TRPC7: variants seen among roughly 807,000 people sequenced by gnomAD.
The protein encoded by TRPC7 is transient receptor potential cation channel subfamily C member 7, also known as short transient receptor potential channel 7.
Under a neutral mutation model 90.1 loss-of-function variants are expected in TRPC7, and 42 were observed. That is an observed-to-expected ratio of 0.47 (90% CI 0.36 to 0.60). The LOEUF is 0.60. Ranked by LOEUF, TRPC7 falls within the 20% of genes least tolerant of loss-of-function variation. TRPC7 has a pLI of 0.00. For missense variants in TRPC7, 955 were observed against 1,112.3 expected (o/e 0.86, Z 2.01); for synonymous variants, 451 against 436.3 (o/e 1.03, Z -0.42).
intron 2 of TRPC7, among the ~76,000 whole-genome samples, chr5:136,323,252 A>G (rs189955613): frequency 6.6e-6 from 1 of 152,324 alleles, no homozygotes; most frequent in African/African-American, 2.4e-5. Context: ...CTCCCCAGCC[A>G]TGTGGAACTG....
chr5:136,335,016 A>AAT (rs1331519269), intron 2 of TRPC7, among the ~76,000 whole-genome samples: 2 of 152,218 alleles, frequency 1.3e-5, no homozygotes, highest in Non-Finnish European at 2.9e-5. Flanking sequence ...AATAAGTTTA[A>AAT]ATATAATCAG....
intron 2 of TRPC7, among the ~76,000 whole-genome samples, chr5:136,346,475 A>G (rs992197515): frequency 9.9e-5 from 15 of 152,018 alleles, no homozygotes; most frequent in African/African-American, 3.4e-4. Context: ...TGCTTTTCCC[A>G]ACACCATGAG....
At chr5:136,249,562 A>T (rs1177509689) in intron 6 of TRPC7, among the ~76,000 whole-genome samples, 1 of 152,210 alleles carries the variant, frequency 6.6e-6, no homozygotes, top group Non-Finnish European at 1.5e-5. Context: ...CCTCTAGCTC[A>T]CCATCTTAAA....
intron 1 of TRPC7, among the ~76,000 whole-genome samples, chr5:136,361,297 T>C (rs562708939): frequency 6.6e-5 from 10 of 152,334 alleles, no homozygotes; most frequent in Admixed American, 6.5e-4. Context: ...TTAAGACACT[T>C]TGTTTTACAT....
intron 2 of TRPC7, among the ~76,000 whole-genome samples, chr5:136,353,953 T>TA (rs1001786130): frequency 6.6e-5 from 10 of 151,954 alleles, no homozygotes; most frequent in African/African-American, 1.5e-4. Flanking sequence ...TGAGTTTTAC[T>TA]AAAAAAAATG....
intron 10 of TRPC7, among the ~76,000 whole-genome samples, chr5:136,219,689 C>A (rs1364460782): frequency 6.6e-6 from 1 of 152,168 alleles, no homozygotes; most frequent in Non-Finnish European, 1.5e-5. Context: ...TTGCTTGAAC[C>A]TGGGAGGTAG....
At chr5:136,290,630 A>G (rs531008255) in intron 3 of TRPC7, among the ~76,000 whole-genome samples, 1 of 152,352 alleles carries the variant, frequency 6.6e-6, no homozygotes, top group South Asian at 2.1e-4. Context: ...TCCAAGAAAT[A>G]TGGGACTATG....
At chr5:136,351,760 C>A (rs1760201466) in intron 2 of TRPC7, among the ~76,000 whole-genome samples, 3 of 152,234 alleles carry the variant, frequency 2.0e-5, no homozygotes, top group Non-Finnish European at 2.9e-5. Flanking sequence ...TAGCAGGTGG[C>A]AAATTGGTCT....
chr5:136,296,744 CT>C (rs1758188524), intron 3 of TRPC7, among the ~76,000 whole-genome samples: 1 of 152,180 alleles, frequency 6.6e-6, no homozygotes, highest in South Asian at 2.1e-4. Context: ...TGATTGTACA[CT>C]GTCATTTTTC....
Position 136,247,331 on chromosome 5 carries a change from C to T in TRPC7, c.1844+140G>A, listed in dbSNP as rs1303337688. ...TCAACTCCAGAACCTGAACTCTAAA[C>T]CACCCTTGAATAAAGTTGCCTTTAA... On this transcript the variant is annotated intron_variant, in intron 7 of 11. Transcript: ENST00000513104. This position sits in a 1 kb window ranked among gnomAD's most constrained non-coding sequence, Gnocchi z 4.2. The T allele has an allele frequency of 1.1e-6, 1 of 921,012 alleles. No homozygotes were observed. The highest frequency in any genetic ancestry group is 1.6e-6 in the Non-Finnish European group (1 of 631,862). 57.1% of individuals were successfully genotyped at this position (921,012 alleles called of 1,614,324 possible).
intron 2 of TRPC7, among the ~76,000 whole-genome samples, chr5:136,353,312 C>T (rs961659146): frequency 2.0e-5 from 3 of 152,144 alleles, no homozygotes; most frequent in African/African-American, 2.4e-5. Context: ...AAACTAAATC[C>T]AGGCTTTTCA....
At chr5:136,270,694 T>G (rs1039897362) in intron 4 of TRPC7, among the ~76,000 whole-genome samples, 49 of 152,284 alleles carry the variant, frequency 3.2e-4, no homozygotes, top group South Asian at 1.0e-3. Context: ...AAAAGTGTGA[T>G]AGGAAATAGA....
intron 3 of TRPC7, among the ~76,000 whole-genome samples, chr5:136,300,864 G>C (rs1386749791): frequency 2.0e-5 from 3 of 152,144 alleles, no homozygotes; most frequent in Non-Finnish European, 4.4e-5. Context: ...TTGCATGCAG[G>C]GCATGTACTG....
intron 2 of TRPC7, among the ~76,000 whole-genome samples, chr5:136,337,403 C>A (rs1261202368): frequency 3.3e-5 from 5 of 152,166 alleles, no homozygotes; most frequent in Admixed American, 2.0e-4. Flanking sequence ...CGTGGTGGCT[C>A]ACGCCTATAA....
chr5:136,322,579 C>T (rs1759233337), intron 2 of TRPC7, among the ~76,000 whole-genome samples: 1 of 152,082 alleles, frequency 6.6e-6, no homozygotes, highest in African/African-American at 2.4e-5. Flanking sequence ...CACTATATTG[C>T]CATGGTCATG....
chr5:136,236,313 G>A (rs182413098), intron 7 of TRPC7, among the ~76,000 whole-genome samples: 88 of 152,334 alleles, frequency 5.8e-4, no homozygotes, highest in African/African-American at 1.9e-3. Context: ...AGGTGCTTCT[G>A]CACAGGGTTG....
chr5:136,339,458 T>C (rs1404485821), intron 2 of TRPC7, among the ~76,000 whole-genome samples: 1 of 152,224 alleles, frequency 6.6e-6, no homozygotes, highest in African/African-American at 2.4e-5. Flanking sequence ...TCAGGTGTCA[T>C]GTAACTGGAG....
intron 2 of TRPC7, among the ~76,000 whole-genome samples, chr5:136,318,272 G>A (rs1448392448): frequency 6.6e-6 from 1 of 152,116 alleles, no homozygotes; most frequent in Non-Finnish European, 1.5e-5. Flanking sequence ...AGACTTCATA[G>A]GTGCCCTTTA....
intron 2 of TRPC7, among the ~76,000 whole-genome samples, chr5:136,334,486 T>C (rs1467613117): frequency 6.6e-6 from 1 of 152,208 alleles, no homozygotes; most frequent in Non-Finnish European, 1.5e-5. Flanking sequence ...TTCTGTCCAT[T>C]ATGTTCCCAA....
Sources: gnomAD v4.1 joint callset for allele counts (sites outside exome capture counted in the v4.1 genomes callset) on GRCh38, gnomAD v4.1.1 for gene constraint, Gnocchi (gnomAD v3.1) non-coding constraint, MANE v1.5 for transcripts, NCBI Gene and HGNC (gene_info 2026-07-23, HGNC 2026-07-21) for gene names.